The following CARS1 variants were observed in gnomAD, a reference collection of about 807,000 sequenced individuals.
CARS1 encodes the protein cysteine--tRNA ligase, cytoplasmic.
CARS1 carries 48 observed loss-of-function variants against 106.2 expected under a neutral mutation model. The ratio of observed to expected loss-of-function variants is 0.45; its 90% CI spans 0.36 to 0.57. The LOEUF (loss-of-function observed/expected upper bound fraction) is 0.57. Ranked by LOEUF, CARS1 falls within the 20% of genes least tolerant of loss-of-function variation. CARS1 has a pLI of 0.00. For missense variants in CARS1, 968 were observed against 1,057.2 expected, an observed-to-expected ratio of 0.92 and a Z score of 1.17; for synonymous variants, 409 against 403.4, an observed-to-expected ratio of 1.01 and a Z score of -0.17.
rs1852522283 is a variant in CARS1 at position 3,029,800 on chromosome 11, T to G, written c.802-357A>C. On this transcript the variant is annotated intron_variant, in intron 7 of 22. Coordinates refer to ENST00000380525, the MANE Select transcript of CARS1 (RefSeq NM_001014437.3). This position sits in a 1 kb window ranked among gnomAD's most constrained non-coding sequence, Gnocchi z 5.9. ...AGAGGCTGGGCAGGAGCACACAGTG[T>G]GTCACCTACAGCACAACCCCTTGGT... The G allele has an allele frequency of 3.7e-6, 1 of 269,636 alleles. No individual in the cohort carries two copies. The highest frequency in any genetic ancestry group is 7.5e-5 in the East Asian group (1 of 13,396). The allele number at this position is 269,636 out of a possible 1,614,324, so 16.7% of individuals were successfully genotyped here.
chr11:3,027,075 C>T, intron 9 of CARS1: 2 of 334,410 alleles, frequency 6.0e-6, no homozygotes, highest in South Asian at 4.8e-5. Context: ...CTCAGGGCTG[C>T]TGCCGTCCTC....
At position 3,008,098 on chromosome 11, in the gene CARS1, C is replaced by T. The variant is rs1169150483; in HGVS notation, c.2069-1139G>A. 6.6e-6 allele frequency: 1 copy of T among 152,214 alleles called. No homozygotes were observed. The highest frequency in any genetic ancestry group is 2.4e-5 in the African/African-American group (1 of 41,434). 9.4% of individuals were successfully genotyped at this position (152,214 alleles called of 1,614,324 possible). ...CCACACCCTTTAGTTTTCTTCTGGC[C>T]CCTCAGCTTGCTGCGCCCAACTGTG... is the stretch of plus-strand genomic sequence containing the variant. On this transcript the variant is annotated intron_variant, in intron 18 of 22. Coordinates refer to ENST00000380525, the MANE Select transcript of CARS1 (RefSeq NM_001014437.3). The surrounding 1 kb of genome is among the most constrained non-coding windows in gnomAD (Gnocchi z 5.1).
chr11:3,004,757 G>A lies in CARS1; in HGVS notation c.2217+609C>T, dbSNP rs1037927282. Among the ~76,000 whole-genome samples, 1 of 152,208 alleles carries A rather than the reference G, an allele frequency of 6.6e-6. No homozygotes were observed. Among genetic ancestry groups the A allele is most frequent in the African/African-American group, 2.4e-5 (1 of 41,454 alleles). On this transcript the variant is annotated intron_variant, in intron 20 of 22. Coordinates refer to ENST00000380525, the MANE Select transcript of CARS1 (RefSeq NM_001014437.3). The surrounding 1 kb of genome is among the most constrained non-coding windows in gnomAD (Gnocchi z 5.2). The stretch of plus-strand genomic sequence containing the variant: ...GAGTATGCTGGGAATAGGAGGTGGA[G>A]ATGCATCAGTGACACGCGCCACTCA...
At chr11:3,006,036 CAAAG>C (rs748740420) in intron 19 of CARS1, among the ~76,000 whole-genome samples, 1 of 152,142 alleles carries the variant, frequency 6.6e-6, no homozygotes, top group Non-Finnish European at 1.5e-5. Flanking sequence ...GTTCGTAACA[CAAAG>C]AAATGATAAA....
In CARS1 at chr11:3,039,243, T is replaced by C. The variant is rs534095001; in HGVS notation, c.602A>G (p.Lys201Arg). Residue 201 changes from lysine to arginine, a missense_variant, in exon 6 of 23, where the codon AAG becomes AGG. Physicochemically the swap from Lys to Arg is conservative, Grantham distance 26 (BLOSUM62 2). Transcript: ENST00000380525. This position sits in a 1 kb window ranked among gnomAD's most constrained non-coding sequence, Gnocchi z 5.6. ...QNHLFEQYRE[K>R]RPEAAQLLED... ...CAAGAGCTGTGCCGCTTCAGGCCTC[T>C]TCTCCCGATACTGCTCGAACAGGTG... 1 of 1,613,946 alleles carries C rather than the reference T, an allele frequency of 6.2e-7. No individual in the cohort carries two copies. Among genetic ancestry groups the C allele is most frequent in the South Asian group, 1.1e-5 (1 of 91,070 alleles).
chr11:3,022,178 C>T lies in CARS1; in HGVS notation c.1154-1846G>A, dbSNP rs1851628923. Among the ~76,000 whole-genome samples, 1 of 152,196 alleles carries T rather than the reference C, an allele frequency of 6.6e-6. No individual in the cohort carries two copies. The highest frequency in any genetic ancestry group is 1.5e-5 in the Non-Finnish European group (1 of 68,036). On this transcript the variant is annotated intron_variant, in intron 10 of 22. Transcript: ENST00000380525. The surrounding 1 kb of genome is among the most constrained non-coding windows in gnomAD (Gnocchi z 4.9). ...TGAGAGTCACATAGCACGCTGACCA[C>T]CTGCTCCACCACTGTTCCTAGCGAT...
chr11:3,011,412 T>C (rs1850438448), intron 18 of CARS1, among the ~76,000 whole-genome samples: 2 of 150,162 alleles, frequency 1.3e-5, no homozygotes, highest in Non-Finnish European at 3.0e-5. Context: ...GAGACCATCC[T>C]GGCCAACACG....
intron 17 of CARS1, among the ~76,000 whole-genome samples, chr11:3,013,717 G>A (rs1850722044): frequency 6.6e-6 from 1 of 152,048 alleles, no homozygotes; most frequent in African/African-American, 2.4e-5. Flanking sequence ...GCCGGGCATG[G>A]TGGTGCATGC....
At chr11:3,035,541 A>T (rs1191465606) in intron 7 of CARS1, among the ~76,000 whole-genome samples, 2 of 152,068 alleles carry the variant, frequency 1.3e-5, no homozygotes, top group Admixed American at 1.3e-4. Context: ...GCTGGAGTGC[A>T]GTGGTGTGTT....
chr11:3,017,973 G>A lies in CARS1; in HGVS notation c.1630-19C>T. On this transcript the variant is annotated intron_variant, in intron 14 of 22. Coordinates refer to ENST00000380525, the MANE Select transcript of CARS1 (RefSeq NM_001014437.3). The surrounding 1 kb of genome is among the most constrained non-coding windows in gnomAD (Gnocchi z 4.9). Reference sequence around the variant, plus strand: ...AAAACTCCTGAAGTTAGAAAAATCAGTTTAACAGCATTTAGGCAACTTTTC... The same window carrying A: ...AAAACTCCTGAAGTTAGAAAAATCAATTTAACAGCATTTAGGCAACTTTTC... 1 of 1,560,376 alleles carries A rather than the reference G, an allele frequency of 6.4e-7. No homozygotes were observed. Among genetic ancestry groups the A allele is most frequent in the Non-Finnish European group, 8.8e-7 (1 of 1,133,292 alleles).
chr11:3,029,394 G>A lies in CARS1; in HGVS notation c.851C>T (p.Thr284Ile), dbSNP rs759217306. The change falls in exon 8 of 23, where the codon ACA becomes ATA. Residue 284 changes from threonine (T) to isoleucine (I), a missense_variant. Transcript: ENST00000380525. The surrounding 1 kb of genome is among the most constrained non-coding windows in gnomAD (Gnocchi z 5.9). ...KDLLSDWLDS[T>I]LGCDVTDNSI... ...ATTGTCAGTGACATCACAGCCAAGTGTAGAATCCAGCCAGTCAGAGAGCAA... is the reference window on the plus strand; with the variant it reads ...ATTGTCAGTGACATCACAGCCAAGTATAGAATCCAGCCAGTCAGAGAGCAA... 3 of 1,614,046 alleles carry A rather than the reference G, an allele frequency of 1.9e-6. No homozygotes were observed. Among genetic ancestry groups the A allele is most frequent in the Non-Finnish European group, 2.5e-6 (3 of 1,179,940 alleles).
intron 17 of CARS1, among the ~76,000 whole-genome samples, chr11:3,013,579 G>A (rs991271315): frequency 4.6e-5 from 7 of 152,002 alleles, no homozygotes; most frequent in Non-Finnish European, 1.0e-4. Context: ...GGCTGGGCGC[G>A]GTGACTCACA....
At chr11:3,011,380 T>A (rs532469794) in intron 18 of CARS1, among the ~76,000 whole-genome samples, 4 of 147,948 alleles carry the variant, frequency 2.7e-5, no homozygotes, top group Non-Finnish European at 6.0e-5. Flanking sequence ...CCGAGGCGGG[T>A]GGATCACGAG....
chr11:3,001,270 G>T, intron 22 of CARS1, 22 bp from the exon 23 acceptor site: 1 of 1,611,552 alleles, frequency 6.2e-7, no homozygotes, highest in Non-Finnish European at 8.5e-7. Context: ...GAGCACAGCG[G>T]CTATTGGTCT....
At position 3,045,559 on chromosome 11, in the gene CARS1, G is replaced by C. The variant is rs146105642; in HGVS notation, c.274+2194C>G. Among the ~76,000 whole-genome samples the C allele has an allele frequency of 6.6e-5, 10 of 152,250 alleles. No homozygotes were observed. In the South Asian group the frequency reaches 8.3e-4, roughly 13 times the overall value. ...GATTACAGGAGTGAGCCACCGCGCC[G>C]GGCCAAGCAGAGTCTTTCCATGTCT... On this transcript the variant is annotated intron_variant, in intron 2 of 22. Coordinates refer to ENST00000380525, the MANE Select transcript of CARS1 (RefSeq NM_001014437.3). The surrounding 1 kb of genome is among the most constrained non-coding windows in gnomAD (Gnocchi z 5.6).
chr11:3,017,469 C>T lies in CARS1; in HGVS notation c.1728-174G>A. On this transcript the variant is annotated intron_variant, in intron 15 of 22. Coordinates refer to ENST00000380525, the MANE Select transcript of CARS1 (RefSeq NM_001014437.3). This position sits in a 1 kb window ranked among gnomAD's most constrained non-coding sequence, Gnocchi z 4.9. ...ACCAGCCTGACAAACATGGAGAGAC[C>T]CCCACCTCTACTAAAAATCTGAAAT... 1.7e-6 allele frequency: 1 copy of T among 597,162 alleles called. No homozygotes were observed. Among genetic ancestry groups the T allele is most frequent in the Non-Finnish European group, 3.0e-6 (1 of 337,074 alleles). The allele number at this position is 597,162 out of a possible 1,614,324, so 37.0% of individuals were successfully genotyped here.
Position 3,052,889 on chromosome 11 carries a change from C to G in CARS1, c.25+4454G>C, listed in dbSNP as rs372717579. Among the ~76,000 whole-genome samples the G allele has an allele frequency of 1.3e-5, 2 of 152,238 alleles. No homozygotes were observed. Among genetic ancestry groups the G allele is most frequent in the South Asian group, 4.1e-4 (2 of 4,832 alleles). ...CCTGTTCCTCGACACTGGCCCTCAT[C>G]GTAGAGCCTGCACGCTCCGTGCCGA... On this transcript the variant is annotated intron_variant, in intron 1 of 22. Transcript: ENST00000380525. This position sits in a 1 kb window ranked among gnomAD's most constrained non-coding sequence, Gnocchi z 4.6.
rs1212541333 is a variant in CARS1, at chr11:3,021,490, C to T, written c.1154-1158G>A. Among the ~76,000 whole-genome samples, 1 of 152,116 alleles carries T rather than the reference C, an allele frequency of 6.6e-6. No individual in the cohort carries two copies. The highest frequency in any genetic ancestry group is 1.5e-5 in the Non-Finnish European group (1 of 68,038). ...AGGTGACAAATCCACTTTTCAGGAG[C>T]CTAATCAGGCAACAGACCTAAGCTG... is the stretch of plus-strand genomic sequence containing the variant. On this transcript the variant is annotated intron_variant, in intron 10 of 22. Coordinates refer to ENST00000380525, the MANE Select transcript of CARS1 (RefSeq NM_001014437.3). This position sits in a 1 kb window ranked among gnomAD's most constrained non-coding sequence, Gnocchi z 5.3.
chr11:3,005,704 T>C (rs6578313), intron 19 of CARS1, among the ~76,000 whole-genome samples: 130,217 of 150,384 alleles, frequency 0.87, 56,774 homozygotes, highest in African/African-American at 0.97. Context: ...ACGATCTCAG[T>C]TCACTGCAAC....
Sources: gnomAD v4.1 joint callset for allele counts (sites outside exome capture counted in the v4.1 genomes callset) on GRCh38, gnomAD v4.1.1 for gene constraint, Gnocchi (gnomAD v3.1) non-coding constraint, MANE v1.5 for transcripts, NCBI Gene and HGNC (gene_info 2026-07-23, HGNC 2026-07-21) for gene names.